CNOT6: variants seen among roughly 807,000 people sequenced by gnomAD.
CNOT6 encodes the protein CCR4-NOT transcription complex subunit 6, also known as carbon catabolite repression 4 protein.
A neutral mutation model predicts 61.2 loss-of-function variants in CNOT6; 12 were observed. The ratio of observed to expected loss-of-function variants is 0.20; its 90% CI spans 0.13 to 0.32. CNOT6 has a LOEUF of 0.32. CNOT6 is among the 10% of genes least tolerant of loss of function. The pLI, the probability that CNOT6 is intolerant of heterozygous loss-of-function variation, is 1.00. For synonymous variants in CNOT6, 225 were observed against 240.6 expected, an observed-to-expected ratio of 0.94 and a Z score of 0.60; for missense variants, 405 against 663.9, an observed-to-expected ratio of 0.61 and a Z score of 4.28.
chr5:180,521,541 CTGAG>C (rs768974708), intron 1 of CNOT6, among the ~76,000 whole-genome samples: 12 of 152,272 alleles, frequency 7.9e-5, no homozygotes, highest in East Asian at 1.9e-4. Context: ...GACTTACAGA[CTGAG>C]TAATTACTTT....
intron 9 of CNOT6, 100 bp downstream of exon 9, chr5:180,568,103 A>G (rs1297346854): frequency 1.7e-6 from 2 of 1,208,434 alleles, no homozygotes; most frequent in Non-Finnish European, 1.1e-6. Context: ...GGTCTTGTCT[A>G]ACACCTGAAG....
At chr5:180,546,579 C>T (rs979586076) in intron 2 of CNOT6, among the ~76,000 whole-genome samples, 2 of 152,192 alleles carry the variant, frequency 1.3e-5, no homozygotes, top group African/African-American at 4.8e-5. Context: ...CTGCATATGT[C>T]ATAACACCCA....
At chr5:180,561,356 TTGTGTGTGTGTGTGTGTGTGTG>T (rs35909953) in intron 4 of CNOT6, among the ~76,000 whole-genome samples, 2 of 144,748 alleles carry the variant, frequency 1.4e-5, no homozygotes, top group African/African-American at 5.2e-5. Flanking sequence ...CTTGTGTGTT[TTGTGTGTGTGTGTGTGTGTGTG>T]TGTGTGTGTG....
intron 1 of CNOT6, among the ~76,000 whole-genome samples, chr5:180,504,867 AT>A (rs1203269840): frequency 1.3e-5 from 2 of 151,238 alleles, no homozygotes; most frequent in Admixed American, 1.3e-4. Context: ...GTTCATAAAT[AT>A]TTTTTAAAGT....
In CNOT6 at chr5:180,577,175, G is replaced by GTGTGTGTT. The variant is rs1554105024; in HGVS notation, c.*2982_*2983insTTGTGTGT. 1.3e-5 allele frequency: 2 copies of GTGTGTGTT among 151,522 alleles called. No homozygotes were observed. Among genetic ancestry groups the GTGTGTGTT allele is most frequent in the Non-Finnish European group, 2.9e-5 (2 of 67,862 alleles). The allele number at this position is 151,522 out of a possible 1,614,324, so 9.4% of individuals were successfully genotyped here. ...AACATCTCCAGAAATGTGTGTGTGTGTGTGTGTGTGTGTGTGTGTGTTTAA... is the reference window on the plus strand; with the variant it reads ...AACATCTCCAGAAATGTGTGTGTGTGTGTGTGTTTGTGTGTGTGTGTGTGTGTGTTTAA... On this transcript the variant is annotated 3_prime_UTR_variant, in exon 12 of 12. Coordinates refer to ENST00000261951, the MANE Select transcript of CNOT6 (RefSeq NM_001370472.1).
At chr5:180,570,647 A>G (rs1760702854) in intron 10 of CNOT6, among the ~76,000 whole-genome samples, 1 of 152,260 alleles carries the variant, frequency 6.6e-6, no homozygotes, top group Admixed American at 6.5e-5. Context: ...GGCAGGTCAG[A>G]AAATGTCCAG....
intron 2 of CNOT6, among the ~76,000 whole-genome samples, chr5:180,537,069 G>A (rs986184190): frequency 4.6e-5 from 7 of 152,186 alleles, no homozygotes; most frequent in Non-Finnish European, 8.8e-5. Context: ...CATCTTGGTT[G>A]CCTCCAAGTT....
intron 2 of CNOT6, among the ~76,000 whole-genome samples, chr5:180,541,042 C>T (rs1759001538): frequency 6.6e-6 from 1 of 151,726 alleles, no homozygotes; most frequent in African/African-American, 2.4e-5. Flanking sequence ...TTCTGTTGAC[C>T]TATTTTTGAA....
intron 1 of CNOT6, among the ~76,000 whole-genome samples, chr5:180,526,605 C>G (rs899182731): frequency 2.0e-5 from 3 of 152,146 alleles, no homozygotes; most frequent in Non-Finnish European, 2.9e-5. Flanking sequence ...AGTATTATTT[C>G]TGGGCAGTAT....
At chr5:180,513,133 G>A (rs572150615) in intron 1 of CNOT6, among the ~76,000 whole-genome samples, 8 of 151,442 alleles carry the variant, frequency 5.3e-5, no homozygotes, top group African/African-American at 1.2e-4. Context: ...TCCTGACCTC[G>A]TGATCCACCC....
At chr5:180,544,804 T>G (rs1455529777) in intron 2 of CNOT6, among the ~76,000 whole-genome samples, 7 of 152,154 alleles carry the variant, frequency 4.6e-5, no homozygotes, top group African/African-American at 1.7e-4. Context: ...ACAGAAAACT[T>G]AGTAGGGAAC....
intron 4 of CNOT6, among the ~76,000 whole-genome samples, chr5:180,558,342 G>T (rs1760001936): frequency 6.6e-6 from 1 of 152,144 alleles, no homozygotes; most frequent in Admixed American, 6.6e-5. Flanking sequence ...GTCTGGTGCA[G>T]GATCCATGCC....
chr5:180,549,390 C>T (rs1759474160), intron 2 of CNOT6, among the ~76,000 whole-genome samples: 1 of 152,154 alleles, frequency 6.6e-6, no homozygotes, highest in East Asian at 1.9e-4. Flanking sequence ...TGGCTCATGC[C>T]TGTAACCCCA....
intron 1 of CNOT6, among the ~76,000 whole-genome samples, chr5:180,519,428 T>C (rs1458418956): frequency 2.6e-5 from 4 of 152,228 alleles, no homozygotes; most frequent in Non-Finnish European, 5.9e-5. Flanking sequence ...TGAGTACTTA[T>C]TTAGCAAAAG....
chr5:180,523,751 T>C (rs1021801902), intron 1 of CNOT6, among the ~76,000 whole-genome samples: 5 of 152,168 alleles, frequency 3.3e-5, no homozygotes, highest in South Asian at 4.1e-4. Context: ...TTTCTGCAAG[T>C]GTGAAGTAGA....
At chr5:180,506,998 A>G (rs1028759615) in intron 1 of CNOT6, among the ~76,000 whole-genome samples, 2 of 152,234 alleles carry the variant, frequency 1.3e-5, no homozygotes, top group Admixed American at 6.5e-5. Context: ...GAGGTTTAGC[A>G]TAGCTCAGAG....
At chr5:180,497,764 C>G (rs754590957) in intron 1 of CNOT6, among the ~76,000 whole-genome samples, 5 of 152,178 alleles carry the variant, frequency 3.3e-5, no homozygotes, top group African/African-American at 4.8e-5. Flanking sequence ...ATTGCTGAGA[C>G]TGGGCGCGGT....
chr5:180,571,360 T>G lies in CNOT6; in HGVS notation c.1389T>G (p.Thr463=). The G allele has an allele frequency of 6.2e-7, 1 of 1,614,168 alleles. No individual in the cohort carries two copies. The highest frequency in any genetic ancestry group is 8.5e-7 in the Non-Finnish European group (1 of 1,179,988). ...GKNGTTNGRI[T]HGFKLQSAYE... ...ATGGAACCACCAATGGAAGGATCAC[T>G]CATGGTTTCAAGTTACAGAGTGCCT... The change falls in exon 11 of 12, where the codon ACT becomes ACG. Residue 463 remains threonine, a synonymous_variant. Transcript: ENST00000261951.
At chr5:180,559,169 T>G (rs1303446411) in intron 4 of CNOT6, among the ~76,000 whole-genome samples, 1 of 152,230 alleles carries the variant, frequency 6.6e-6, no homozygotes. Context: ...TCGATGGTAG[T>G]GAGGTTTTTG....
Sources: allele counts gnomAD v4.1 joint callset (sites outside exome capture counted in the v4.1 genomes callset), GRCh38; gene constraint gnomAD v4.1.1; transcripts MANE v1.5; gene names NCBI Gene and HGNC (gene_info 2026-07-23, HGNC 2026-07-21).